Variants in UBR2 observed in about 807,000 individuals in gnomAD.
UBR2 encodes E3 ubiquitin-protein ligase UBR2.
A neutral mutation model predicts 247.9 loss-of-function variants in UBR2; 92 were observed. The observed-to-expected ratio is 0.37, with a 90% confidence interval of 0.31 to 0.44. UBR2 has a LOEUF of 0.44. Ranked by LOEUF, UBR2 falls within the 20% of genes least tolerant of loss-of-function variation. The pLI, the probability that UBR2 is intolerant of heterozygous loss-of-function variation, is 1.00. For missense variants in UBR2, 1,613 were observed against 2,112.6 expected, an observed-to-expected ratio of 0.76 and a Z score of 4.64; for synonymous variants, 672 against 693.5, an observed-to-expected ratio of 0.97 and a Z score of 0.49.
intron 22 of UBR2, among the ~76,000 whole-genome samples, chr6:42,648,497 C>T (rs1418968098): frequency 6.6e-6 from 1 of 152,124 alleles, no homozygotes; most frequent in Admixed American, 6.5e-5. Context: ...GTTTTGTTTC[C>T]ATTTGAATGT....
chr6:42,670,009 T>C, intron 34 of UBR2, 83 bp from the exon 35 acceptor site: 3 of 1,488,484 alleles, frequency 2.0e-6, no homozygotes, highest in Non-Finnish European at 2.8e-6. Flanking sequence ...AATTTCAATA[T>C]AGCAAAGAGC....
intron 8 of UBR2, among the ~76,000 whole-genome samples, chr6:42,614,403 C>CGTATGTATGTACGTACGTACATATATAT (rs1313289246): frequency 3.2e-5 from 2 of 62,530 alleles, no homozygotes; most frequent in Non-Finnish European, 6.7e-5. Flanking sequence ...TACATACATA[C>CGTATGTATGTACGTACGTACATATATAT]GTATGTATGT....
chr6:42,683,120 A>G lies in UBR2; in HGVS notation c.4775+9A>G. 1 of 1,610,446 alleles carries G rather than the reference A, an allele frequency of 6.2e-7. No homozygotes were observed. Among genetic ancestry groups the G allele is most frequent in the East Asian group, 2.2e-5 (1 of 44,686 alleles). On this transcript the variant is annotated intron_variant, in intron 43 of 46. Coordinates refer to ENST00000372901, the MANE Select transcript of UBR2 (RefSeq NM_001363705.2). ...GAAAGAGATGCTATAAGGTAAGTTA[A>G]AGAGCCTCAAAAACTTTATTGAGGT...
At chr6:42,688,128 C>T in intron 44 of UBR2, 88 bp from the exon 45 acceptor site, 1 of 1,509,930 alleles carries the variant, frequency 6.6e-7, no homozygotes, top group South Asian at 1.1e-5. Flanking sequence ...CTTGATATTG[C>T]AGAATTCTTT....
chr6:42,575,795 T>C (rs750989944), intron 2 of UBR2, among the ~76,000 whole-genome samples: 6 of 152,236 alleles, frequency 3.9e-5, no homozygotes, highest in African/African-American at 4.8e-5. Context: ...ACTGTAATGT[T>C]ACTCTTTTCC....
intron 39 of UBR2, 46 bp from the exon 40 acceptor site, chr6:42,676,737 C>A: frequency 6.9e-7 from 1 of 1,445,130 alleles, no homozygotes; most frequent in Non-Finnish European, 9.7e-7. Context: ...CTTTTGATAA[C>A]ACTTAATTGG....
chr6:42,603,571 T>TC lies in UBR2; in HGVS notation c.532-16dup, dbSNP rs1793518624. Reference sequence around the variant, plus strand: ...GCCCTTTTTTTCTTTTTCTTTTTTTTCTGTTGTTTCTTTCAGGATCCTCTT... The same window carrying TC: ...GCCCTTTTTTTCTTTTTCTTTTTTTTCCTGTTGTTTCTTTCAGGATCCTCTT... On this transcript the variant is annotated splice_polypyrimidine_tract_variant and intron_variant, in intron 4 of 46. Coordinates refer to ENST00000372901, the MANE Select transcript of UBR2 (RefSeq NM_001363705.2). 3.9e-6 allele frequency: 6 copies of TC among 1,542,200 alleles called. No individual in the cohort carries two copies. Among genetic ancestry groups the TC allele is most frequent in the Non-Finnish European group, 4.3e-6 (5 of 1,157,472 alleles).
chr6:42,588,255 T>C (rs1350190422), intron 2 of UBR2, among the ~76,000 whole-genome samples: 1 of 152,242 alleles, frequency 6.6e-6, no homozygotes, highest in East Asian at 1.9e-4. Flanking sequence ...AGAGACTTAA[T>C]AGGGCAAGGT....
At chr6:42,666,373 A>T in intron 34 of UBR2, 128 bp downstream of exon 34, 5 of 734,294 alleles carry the variant, frequency 6.8e-6, no homozygotes, top group Non-Finnish European at 1.1e-5. Flanking sequence ...CTTTAGTTGT[A>T]AGGTTTAAGC....
At chr6:42,672,538 AC>A (rs1466974150) in intron 36 of UBR2, among the ~76,000 whole-genome samples, 1 of 151,968 alleles carries the variant, frequency 6.6e-6, no homozygotes, top group Non-Finnish European at 1.5e-5. Flanking sequence ...TATTCTTCAT[AC>A]TTTTACAAAC....
At chr6:42,665,785 T>G (rs1319231826) in intron 33 of UBR2, among the ~76,000 whole-genome samples, 4 of 151,430 alleles carry the variant, frequency 2.6e-5, no homozygotes, top group African/African-American at 4.9e-5. Context: ...AACTGAGTGT[T>G]GCAGAGCTAG....
At chr6:42,577,205 A>C (rs1242353097) in intron 2 of UBR2, among the ~76,000 whole-genome samples, 1 of 152,156 alleles carries the variant, frequency 6.6e-6, no homozygotes. Flanking sequence ...AATTCTGGGG[A>C]GGTTTCTAAA....
At chr6:42,643,980 G>A (rs1796593463) in intron 18 of UBR2, among the ~76,000 whole-genome samples, 1 of 152,030 alleles carries the variant, frequency 6.6e-6, no homozygotes, top group South Asian at 2.1e-4. Flanking sequence ...TTAGGTTTGG[G>A]GCTTGTTTGT....
rs182573545 is a variant in UBR2 at position 42,619,609 on chromosome 6, C to T, written c.1281+2102C>T. ...ACTAAAAATAGAAAAATTAGCCAGG[C>T]GTGGTGGCGCACGCCTGAGGCTGAG... On this transcript the variant is annotated intron_variant, in intron 11 of 46. Transcript: ENST00000372901. The T allele has an allele frequency of 1.2e-3, 226 of 193,214 alleles. No individual in the cohort carries two copies. The Middle Eastern group carries it at 0.017, about 14-fold the overall frequency. The allele number at this position is 193,214 out of a possible 1,614,324, so 12.0% of individuals were successfully genotyped here.
At chr6:42,670,911 C>T (rs902312510) in intron 36 of UBR2, among the ~76,000 whole-genome samples, 196 bp downstream of exon 36, 11 of 152,172 alleles carry the variant, frequency 7.2e-5, no homozygotes, top group Admixed American at 5.9e-4. Context: ...GGAGGCCGGG[C>T]GCAGTGGCCC....
chr6:42,627,750 G>GATCCTCCCA (rs1795446005), intron 11 of UBR2, among the ~76,000 whole-genome samples: 1 of 151,816 alleles, frequency 6.6e-6, no homozygotes, highest in African/African-American at 2.4e-5. Flanking sequence ...GGGCTCAAAT[G>GATCCTCCCA]ATCCTCCCAC....
At chr6:42,625,476 G>T (rs1452247151) in intron 11 of UBR2, among the ~76,000 whole-genome samples, 3 of 151,634 alleles carry the variant, frequency 2.0e-5, no homozygotes, top group Non-Finnish European at 2.9e-5. Context: ...TTAGGACAGG[G>T]TCTCACTTTG....
chr6:42,619,433 ATATATATATATATATATATATT>A (rs770418165), intron 11 of UBR2: 502 of 19,538 alleles, frequency 0.026, 45 homozygotes, highest in African/African-American at 0.076. Flanking sequence ...ATATATATAT[ATATATATATATATATATATATT>A]TTTTTTTTTT....
chr6:42,610,856 T>G (rs1794021431), intron 7 of UBR2, among the ~76,000 whole-genome samples: 1 of 151,918 alleles, frequency 6.6e-6, no homozygotes, highest in African/African-American at 2.4e-5. Context: ...ACCTTTTTTT[T>G]TTTTTTGAGA....
Sources: allele counts gnomAD v4.1 joint callset (sites outside exome capture counted in the v4.1 genomes callset), GRCh38; gene constraint gnomAD v4.1.1; transcripts MANE v1.5; gene names NCBI Gene and HGNC (gene_info 2026-07-23, HGNC 2026-07-21).